NFIB: variants seen among roughly 807,000 people sequenced by gnomAD.
NFIB encodes nuclear factor 1 B-type.
In NFIB, 11 loss-of-function variants were observed where a neutral mutation model predicts 61.5. The ratio of observed to expected loss-of-function variants is 0.18; its 90% CI spans 0.11 to 0.30. The LOEUF is 0.30. Among genes scored for constraint, NFIB ranks in the 10% least tolerant of loss-of-function variants. The pLI is 1.00. For synonymous variants in NFIB, 260 were observed against 216.5 expected (o/e 1.20, Z -1.76); for missense variants, 471 against 608.9 (o/e 0.77, Z 2.38).
chr9:14,207,292 T>G (rs1043276882), intron 2 of NFIB, among the ~76,000 whole-genome samples: 1 of 152,218 alleles, frequency 6.6e-6, no homozygotes, highest in Non-Finnish European at 1.5e-5. Context: ...GAAAAAGAGA[T>G]ACAGTCCAGG....
the NFIB span, among the ~76,000 whole-genome samples, chr9:14,479,919 C>G: frequency 2.6e-5 from 4 of 151,896 alleles, no homozygotes; most frequent in African/African-American, 9.7e-5. Context: ...GTTGCACAAC[C>G]TTGTGAATAT....
intron 2 of NFIB, among the ~76,000 whole-genome samples, chr9:14,200,884 C>G (rs1413433115): frequency 6.6e-6 from 1 of 152,202 alleles, no homozygotes; most frequent in Non-Finnish European, 1.5e-5. Context: ...CAAAACTCCT[C>G]CTGATGTTGC....
chr9:14,448,685 T>A, the NFIB span, among the ~76,000 whole-genome samples: 77 of 152,272 alleles, frequency 5.1e-4, no homozygotes, highest in Non-Finnish European at 9.1e-4. Flanking sequence ...TATTTTCTCT[T>A]GAAAGAGGGG....
At chr9:14,107,436 G>T (rs1233348828) in intron 10 of NFIB, among the ~76,000 whole-genome samples, 1 of 152,000 alleles carries the variant, frequency 6.6e-6, no homozygotes, top group Admixed American at 6.6e-5. Context: ...AGCAGAAGTA[G>T]AATTAACTTA....
chr9:14,159,791 G>C (rs73642098), intron 3 of NFIB, among the ~76,000 whole-genome samples: 2,640 of 152,310 alleles, frequency 0.017, 89 homozygotes, highest in African/African-American at 0.06. Flanking sequence ...GTAGGATAGG[G>C]GGTGAAACTC....
chr9:14,268,669 G>A (rs2057389923), intron 2 of NFIB, among the ~76,000 whole-genome samples: 1 of 152,162 alleles, frequency 6.6e-6, no homozygotes. Context: ...ATGTATCTGT[G>A]TGGCATTGTC....
At chr9:14,413,961 G>T in the NFIB span, among the ~76,000 whole-genome samples, 83 of 152,098 alleles carry the variant, frequency 5.5e-4, no homozygotes, top group African/African-American at 1.9e-3. Context: ...ATCCTACTTG[G>T]TTCAAGGGTT....
At chr9:14,339,847 A>C (rs558733661) in intron 1 of NFIB, among the ~76,000 whole-genome samples, 1 of 152,296 alleles carries the variant, frequency 6.6e-6, no homozygotes, top group East Asian at 1.9e-4. Context: ...GGGGTTTTGG[A>C]AAGGGATTTG....
At chr9:14,228,355 T>C (rs7033134) in intron 2 of NFIB, among the ~76,000 whole-genome samples, 95,675 of 151,636 alleles carry the variant, frequency 0.63, 32,655 homozygotes, top group African/African-American at 0.88. Context: ...CCACCACGCC[T>C]GGCTAATTTT....
In NFIB at chr9:14,081,963, A is replaced by G. The variant is rs1402333619; in HGVS notation, c.*6346T>C. 4.9e-6 allele frequency: 1 copy of G among 205,904 alleles called. No homozygotes were observed. The highest frequency in any genetic ancestry group is 1.0e-5 in the Non-Finnish European group (1 of 100,368). The allele number at this position is 205,904 out of a possible 1,614,324, so 12.8% of individuals were successfully genotyped here. ...AGCAGTATAGGCTGGATATAACAGT[A>G]ACAATCACATTAAGTCAAGCTTGAT... On this transcript the variant is annotated 3_prime_UTR_variant, in exon 11 of 11. Coordinates refer to ENST00000380953, the MANE Select transcript of NFIB (RefSeq NM_001190737.2).
intron 2 of NFIB, among the ~76,000 whole-genome samples, chr9:14,187,750 T>C (rs756316439): frequency 1.2e-4 from 18 of 151,912 alleles, no homozygotes; most frequent in Admixed American, 2.0e-4. Context: ...ACTGAAAAAA[T>C]AGGCCACTGA....
chr9:14,138,551 T>TAA (rs977802271), intron 6 of NFIB, among the ~76,000 whole-genome samples: 2 of 147,328 alleles, frequency 1.4e-5, no homozygotes, highest in East Asian at 2.0e-4. Flanking sequence ...TGTGATTATG[T>TAA]AAAAAAAAAA....
intron 1 of NFIB, among the ~76,000 whole-genome samples, chr9:14,344,782 CCG>C (rs2060999403): frequency 2.0e-5 from 3 of 151,204 alleles, no homozygotes; most frequent in African/African-American, 7.3e-5. Context: ...GAAAAAAAAT[CCG>C]TAACTACAAA....
At chr9:14,516,112 A>T in the NFIB span, among the ~76,000 whole-genome samples, 1 of 152,232 alleles carries the variant, frequency 6.6e-6, no homozygotes, top group East Asian at 1.9e-4. Flanking sequence ...CAGAGACAGG[A>T]TTTGCAGACA....
the NFIB span, among the ~76,000 whole-genome samples, chr9:14,428,943 C>CA: frequency 8.5e-5 from 13 of 152,276 alleles, no homozygotes; most frequent in East Asian, 1.2e-3. Context: ...TGATGAACGA[C>CA]AAAAAGCAGC....
chr9:14,398,640 C>A (rs1361898685), exon 1 of NFIB: 3 of 1,518,446 alleles, frequency 2.0e-6, no homozygotes, highest in African/African-American at 1.4e-5. Flanking sequence ...ATACTCCGAA[C>A]GGATTCCCGA....
rs3081606 is a variant in NFIB at position 14,322,076 on chromosome 9, TA to T, written c.109-14557del. The T allele has an allele frequency of 1.2e-3, 1,329 of 1,110,980 alleles. 13 individuals carry two copies. In the African/African-American group the frequency reaches 0.012, roughly 10 times the overall value. The allele number at this position is 1,110,980 out of a possible 1,614,324, so 68.8% of individuals were successfully genotyped here. On this transcript the variant is annotated intron_variant, in intron 1 of 8. Coordinates refer to the NFIB transcript ENST00000380934. ...TTTGGTGTCGCTTTTTGTGTTTAGT[TA>T]AAAAAAAAAAAAAAAAAAAAAAAAA...
chr9:14,345,153 T>C (rs953271404), intron 1 of NFIB, among the ~76,000 whole-genome samples: 2 of 152,174 alleles, frequency 1.3e-5, no homozygotes, highest in Admixed American at 1.3e-4. Flanking sequence ...GTACAGTCAC[T>C]AAATTGAAAG....
At chr9:14,178,124 T>G (rs1223942192) in intron 3 of NFIB, among the ~76,000 whole-genome samples, 4 of 152,146 alleles carry the variant, frequency 2.6e-5, no homozygotes, top group Non-Finnish European at 5.9e-5. Flanking sequence ...AAGGTTCCCC[T>G]CTTCTCCCAC....
Sources: allele counts gnomAD v4.1 joint callset (sites outside exome capture counted in the v4.1 genomes callset), GRCh38; gene constraint gnomAD v4.1.1; transcripts MANE v1.5; gene names NCBI Gene and HGNC (gene_info 2026-07-23, HGNC 2026-07-21).